The following CCDC102B variants were observed in gnomAD, a reference collection of about 807,000 sequenced individuals.
CCDC102B encodes coiled-coil domain containing 102B, also known as coiled-coil domain-containing protein 102B.
Under a neutral mutation model 57.4 loss-of-function variants are expected in CCDC102B, and 75 were observed. That is an observed-to-expected ratio of 1.31 (90% CI 1.08 to 1.58). CCDC102B has a LOEUF of 1.58. Among genes scored for constraint, CCDC102B ranks in the 40% most tolerant of loss-of-function variants. The probability of loss-of-function intolerance (pLI) is 0.00; values close to 1 mark genes in which losing one functional copy is unlikely to be tolerated. For synonymous variants in CCDC102B, 206 were observed against 201.9 expected (o/e 1.02, Z -0.17); for missense variants, 636 against 582.6 (o/e 1.09, Z -0.94).
intron 2 of CCDC102B, among the ~76,000 whole-genome samples, chr18:68,785,636 G>A (rs1490024618): frequency 6.7e-6 from 1 of 149,638 alleles, no homozygotes; most frequent in African/African-American, 2.5e-5. Flanking sequence ...CTTTTGAGAA[G>A]TGTCTGTTCA....
chr18:68,872,940 C>T (rs2039294107), intron 4 of CCDC102B, among the ~76,000 whole-genome samples: 1 of 152,072 alleles, frequency 6.6e-6, no homozygotes, highest in African/African-American at 2.4e-5. Context: ...TTGAGTGGTA[C>T]AGTTCATTGA....
chr18:68,817,458 A>G (rs2036528831), intron 1 of CCDC102B, among the ~76,000 whole-genome samples: 1 of 152,238 alleles, frequency 6.6e-6, no homozygotes, highest in Non-Finnish European at 1.5e-5. Context: ...TTTAAACAGC[A>G]AAATAATTAT....
chr18:68,997,175 A>G (rs2051051543), intron 6 of CCDC102B, among the ~76,000 whole-genome samples: 1 of 152,178 alleles, frequency 6.6e-6, no homozygotes, highest in Non-Finnish European at 1.5e-5. Context: ...TTGTGAGTCA[A>G]TTAAACCTCT....
In CCDC102B at chr18:68,716,905, C is replaced by T. The variant is rs187082538; in HGVS notation, c.-67+311C>T. On this transcript the variant is annotated intron_variant, in intron 2 of 3. Transcript: ENST00000578970. ...CATCCTGGCTAACACAGTGAAACCC[C>T]GTCTCTACTAAGAATACAGAGAATT... is the stretch of plus-strand genomic sequence containing the variant. 4.3e-4 allele frequency among the ~76,000 whole-genome samples: 65 copies of T among 151,924 alleles called. 1 individual carries two copies. The highest frequency in any genetic ancestry group is 1.6e-3 in the East Asian group (8 of 5,152).
At chr18:68,994,294 A>G (rs532727129) in intron 6 of CCDC102B, among the ~76,000 whole-genome samples, 21 of 152,308 alleles carry the variant, frequency 1.4e-4, no homozygotes, top group African/African-American at 5.1e-4. Context: ...GTTTGTAAAT[A>G]TTCATTGTAT....
chr18:68,847,459 G>A (rs917139733), intron 4 of CCDC102B, among the ~76,000 whole-genome samples: 5 of 151,772 alleles, frequency 3.3e-5, no homozygotes, highest in Admixed American at 6.6e-5. Context: ...TGCCACTAGT[G>A]TGCAGCACAG....
intron 4 of CCDC102B, among the ~76,000 whole-genome samples, chr18:68,865,617 G>A (rs998352594): frequency 2.0e-5 from 3 of 151,998 alleles, no homozygotes; most frequent in East Asian, 1.9e-4. Flanking sequence ...CCTTCCATCC[G>A]CTTTTCAAAT....
chr18:69,055,974 C>A (rs73457764), downstream of CCDC102B, among the ~76,000 whole-genome samples: 2,681 of 152,152 alleles, frequency 0.018, 81 homozygotes, highest in African/African-American at 0.061. Flanking sequence ...GATCTTAGTA[C>A]AGACATATTG....
intron 6 of CCDC102B, among the ~76,000 whole-genome samples, chr18:68,965,574 A>G (rs1343438421): frequency 6.6e-6 from 1 of 151,542 alleles, no homozygotes; most frequent in Non-Finnish European, 1.5e-5. Context: ...ACAAACCTGC[A>G]CATTGTGCAC....
intron 2 of CCDC102B, among the ~76,000 whole-genome samples, chr18:68,770,990 G>A (rs2034621194): frequency 1.3e-5 from 2 of 152,218 alleles, no homozygotes; most frequent in African/African-American, 4.8e-5. Context: ...AGTTCAATCA[G>A]TAGGTTAAAA....
intron 2 of CCDC102B, among the ~76,000 whole-genome samples, chr18:68,725,090 C>T (rs751993689): frequency 3.9e-5 from 6 of 152,180 alleles, no homozygotes; most frequent in Non-Finnish European, 7.3e-5. Flanking sequence ...GCCCCTTATA[C>T]AACCATCAGA....
chr18:68,853,553 ATTT>A (rs954435619), intron 4 of CCDC102B, among the ~76,000 whole-genome samples: 20 of 151,728 alleles, frequency 1.3e-4, no homozygotes, highest in African/African-American at 4.8e-4. Context: ...TGTTTTCTAG[ATTT>A]TTATTATGTT....
At chr18:68,807,129 A>G (rs961908637) in intron 1 of CCDC102B, among the ~76,000 whole-genome samples, 1 of 152,162 alleles carries the variant, frequency 6.6e-6, no homozygotes, top group Non-Finnish European at 1.5e-5. Context: ...TCTGGGTTCT[A>G]CTATAGCTCT....
rs1210809429 is a variant in CCDC102B at position 69,054,347 on chromosome 18, A to C, written c.*210A>C. On this transcript the variant is annotated 3_prime_UTR_variant, in exon 8 of 8. Transcript: ENST00000360242. ...CAAAAAGACAATTTAAATGTCATTT[A>C]AAAACAACTTTAATTCTAAGATGTG... The C allele has an allele frequency of 8.3e-7, 1 of 1,209,616 alleles. No individual in the cohort carries two copies. Among genetic ancestry groups the C allele is most frequent in the African/African-American group, 1.6e-5 (1 of 63,092 alleles). The allele number at this position is 1,209,616 out of a possible 1,614,324, so 74.9% of individuals were successfully genotyped here.
rs139243365 is a variant in CCDC102B at position 68,727,339 on chromosome 18, T to G, written c.-67+10745T>G. Among the ~76,000 whole-genome samples the G allele has an allele frequency of 7.4e-4, 112 of 152,336 alleles. No individual in the cohort carries two copies. The East Asian group carries it at 0.014, about 19-fold the overall frequency. On this transcript the variant is annotated intron_variant, in intron 2 of 3. Coordinates refer to the CCDC102B transcript ENST00000578970. ...GTACCATTCTCTGGTATATTTCTTT[T>G]AAAGACAGTTACTAGATAGTCACTG...
At position 69,054,330 on chromosome 18, in the gene CCDC102B, C is replaced by A; in HGVS notation, c.*193C>A. 8.1e-7 allele frequency: 1 copy of A among 1,237,478 alleles called. No homozygotes were observed. The highest frequency in any genetic ancestry group is 1.0e-6 in the Non-Finnish European group (1 of 990,568). The allele number at this position is 1,237,478 out of a possible 1,614,324, so 76.7% of individuals were successfully genotyped here. A position where few individuals can be genotyped will look rare whatever the true frequency, so the allele number is the denominator to read the frequency against. On this transcript the variant is annotated 3_prime_UTR_variant, in exon 8 of 8. Coordinates refer to ENST00000360242, the MANE Select transcript of CCDC102B (RefSeq NM_024781.3). The stretch of plus-strand genomic sequence containing the variant: ...CAGATACTGCATATTCTCAAAAAGA[C>A]AATTTAAATGTCATTTAAAAACAAC...
chr18:68,989,861 G>C (rs1384728333), intron 6 of CCDC102B, among the ~76,000 whole-genome samples: 1 of 152,090 alleles, frequency 6.6e-6, no homozygotes, highest in Non-Finnish European at 1.5e-5. Context: ...GCCACTAACC[G>C]CTCCGCTATC....
chr18:68,924,708 AAT>A (rs1449523612), intron 6 of CCDC102B, among the ~76,000 whole-genome samples: 1 of 152,026 alleles, frequency 6.6e-6, no homozygotes. Context: ...AGGCCTGAAC[AAT>A]TGTTCCCTGA....
chr18:68,722,701 T>C (rs2032403321), intron 2 of CCDC102B, among the ~76,000 whole-genome samples: 1 of 152,176 alleles, frequency 6.6e-6, no homozygotes, highest in African/African-American at 2.4e-5. Flanking sequence ...CCGCCAGATC[T>C]TTGATGAAAT....
Sources: gnomAD v4.1 joint callset for allele counts (sites outside exome capture counted in the v4.1 genomes callset) on GRCh38, gnomAD v4.1.1 for gene constraint, MANE v1.5 for transcripts, NCBI Gene and HGNC (gene_info 2026-07-23, HGNC 2026-07-21) for gene names.